The following BCAT1 variants were observed in gnomAD, a reference collection of about 807,000 sequenced individuals.
BCAT1 encodes the protein branched-chain-amino-acid aminotransferase, cytosolic.
BCAT1 carries 48 observed loss-of-function variants against 52.4 expected under a neutral mutation model. The observed-to-expected ratio is 0.92, with a 90% CI of 0.73 to 1.16. The LOEUF (loss-of-function observed/expected upper bound fraction) is 1.16. Ranked by LOEUF, BCAT1 falls within the 50% of genes most tolerant of loss-of-function variation. The probability of loss-of-function intolerance (pLI) is 0.00; values close to 1 mark genes in which losing one functional copy is unlikely to be tolerated. For synonymous variants in BCAT1, 167 were observed against 161.3 expected, an observed-to-expected ratio of 1.04 and a Z score of -0.27; for missense variants, 451 against 457.1, an observed-to-expected ratio of 0.99 and a Z score of 0.12.
chr12:24,943,750 C>A (rs576184716), intron 1 of BCAT1, among the ~76,000 whole-genome samples: 1 of 152,074 alleles, frequency 6.6e-6, no homozygotes, highest in South Asian at 2.1e-4. Context: ...CTTGGGTGGC[C>A]GAGGCGGGCA....
intron 1 of BCAT1, chr12:24,903,256 G>C: frequency 1.7e-6 from 1 of 581,386 alleles, no homozygotes; most frequent in Non-Finnish European, 2.5e-6. Flanking sequence ...GGTCGCTTGC[G>C]GAGGCCCGAG....
intron 5 of BCAT1, among the ~76,000 whole-genome samples, chr12:24,858,229 T>A (rs1941748880): frequency 6.6e-6 from 1 of 152,308 alleles, no homozygotes; most frequent in African/African-American, 2.4e-5. Context: ...TGTCTGTGTA[T>A]TTTTGTGTGT....
chr12:24,902,785 G>A (rs1029232868), intron 1 of BCAT1: 2 of 1,047,326 alleles, frequency 1.9e-6, no homozygotes, highest in South Asian at 3.2e-5. Context: ...ATTTCGGGCA[G>A]GGATGCGGGG....
chr12:24,889,132 C>G (rs79752002), intron 3 of BCAT1, among the ~76,000 whole-genome samples: 1 of 152,128 alleles, frequency 6.6e-6, no homozygotes, highest in Non-Finnish European at 1.5e-5. Flanking sequence ...TGGTCTTTTC[C>G]CTCGAAGATC....
chr12:24,874,773 T>A (rs540471959), intron 5 of BCAT1, among the ~76,000 whole-genome samples: 6 of 152,334 alleles, frequency 3.9e-5, no homozygotes, highest in African/African-American at 1.2e-4. Flanking sequence ...AACACCAATG[T>A]GTCCATTGTA....
chr12:24,934,610 G>T lies in BCAT1; in HGVS notation c.6+14317C>A, dbSNP rs556681931. 2.0e-5 allele frequency among the ~76,000 whole-genome samples: 3 copies of T among 152,294 alleles called. No homozygotes were observed. In the East Asian group the frequency reaches 5.8e-4, roughly 29 times the overall value. Reference sequence around the variant, plus strand: ...CTCTTGTCACCCAGGCTGGAGTGCAGTGGTGCGATCTTGGCTCACTGCAAC... The same window carrying T: ...CTCTTGTCACCCAGGCTGGAGTGCATTGGTGCGATCTTGGCTCACTGCAAC... On this transcript the variant is annotated intron_variant, in intron 1 of 10. Transcript: ENST00000261192.
chr12:24,828,374 G>C (rs1266452736), intron 10 of BCAT1, among the ~76,000 whole-genome samples: 1 of 152,038 alleles, frequency 6.6e-6, no homozygotes, highest in South Asian at 2.1e-4. Context: ...AGGCATTACT[G>C]TAGATTATTG....
rs1939649368 is a variant in BCAT1 at position 24,810,574 on chromosome 12, T to C, written c.*7434A>G. ...CTCTCTTTCTCACGCTTGTGGGAAT[T>C]GAGCGTTGACACTGTAAGAACACTT... On this transcript the variant is annotated 3_prime_UTR_variant, in exon 11 of 11. Transcript: ENST00000261192. 6.6e-6 allele frequency: 1 copy of C among 152,194 alleles called. No individual in the cohort carries two copies. Among genetic ancestry groups the C allele is most frequent in the South Asian group, 2.1e-4 (1 of 4,838 alleles). The allele number at this position is 152,194 out of a possible 1,614,324, so 9.4% of individuals were successfully genotyped here.
intron 1 of BCAT1, among the ~76,000 whole-genome samples, chr12:24,922,255 C>T (rs1365837470): frequency 6.6e-6 from 1 of 152,154 alleles, no homozygotes; most frequent in Admixed American, 6.5e-5. Flanking sequence ...GCCTTGAACT[C>T]CTAGGCTCAA....
intron 1 of BCAT1, chr12:24,904,648 G>T (rs1427656045): frequency 6.6e-6 from 1 of 152,210 alleles, no homozygotes; most frequent in Non-Finnish European, 1.5e-5. Flanking sequence ...CCTATGTGCT[G>T]ATGACTCCCA....
rs1176904732 is a variant in BCAT1, at chr12:24,923,802, G to A, written c.7-21917C>T. ...GACCAAAGTAACACACCTGTCTGCAGAGGGAGAGCTGGTACTAGAACCCAG... is the reference window on the plus strand; with the variant it reads ...GACCAAAGTAACACACCTGTCTGCAAAGGGAGAGCTGGTACTAGAACCCAG... On this transcript the variant is annotated intron_variant, in intron 1 of 10. Transcript: ENST00000261192. Among the ~76,000 whole-genome samples, 4 of 152,208 alleles carry A rather than the reference G, an allele frequency of 2.6e-5. No individual in the cohort carries two copies. The East Asian group carries it at 7.7e-4, about 29-fold the overall frequency.
intron 5 of BCAT1, among the ~76,000 whole-genome samples, chr12:24,853,117 AACTGTTAT>A (rs1941563392): frequency 6.6e-6 from 1 of 152,198 alleles, no homozygotes; most frequent in South Asian, 2.1e-4. Context: ...TTTTATTATG[AACTGTTAT>A]ACAAAAAAAG....
chr12:24,836,908 GAGAAAGAAAGAAAGAA>G lies in BCAT1; in HGVS notation c.818-328_818-313del, dbSNP rs201215375. On this transcript the variant is annotated intron_variant, in intron 7 of 10. Coordinates refer to ENST00000261192, the MANE Select transcript of BCAT1 (RefSeq NM_005504.7). ...AAGAAAGAAAGAAAGAAAAGAAAGAGAGAAAGAAAGAAAGAAAGAAAGAAAGAAAGAAAGAAAGAAA... is the reference window on the plus strand; with the variant it reads ...AAGAAAGAAAGAAAGAAAAGAAAGAGAGAAAGAAAGAAAGAAAGAAAGAAA... Among the ~76,000 whole-genome samples the G allele has an allele frequency of 6.0e-3, 245 of 40,870 alleles. 17 individuals carry two copies. The highest frequency in any genetic ancestry group is 0.019 in the Middle Eastern group (1 of 52). 26.8% of individuals were successfully genotyped at this position (40,870 alleles called of 152,430 possible).
At chr12:24,914,599 T>C (rs1943379509) in intron 1 of BCAT1, among the ~76,000 whole-genome samples, 1 of 152,216 alleles carries the variant, frequency 6.6e-6, no homozygotes, top group Non-Finnish European at 1.5e-5. Context: ...TATAAACTAA[T>C]TTTCCTAGAG....
intron 3 of BCAT1, among the ~76,000 whole-genome samples, chr12:24,887,080 A>AAAAAAAAAAAATATATATATAT (rs1245203518): frequency 4.9e-5 from 2 of 40,748 alleles, no homozygotes; most frequent in Non-Finnish European, 5.2e-5. Flanking sequence ...AAAAAAAAAA[A>AAAAAAAAAAAATATATATATAT]ATATATATAT....
chr12:24,902,195 C>T (rs1943125521), intron 1 of BCAT1: 15 of 1,433,466 alleles, frequency 1.0e-5, no homozygotes, highest in Non-Finnish European at 1.4e-5. Context: ...AACAAAAAAA[C>T]AATTGTCTCC....
Position 24,815,506 on chromosome 12 carries a change from A to G in BCAT1, c.*2502T>C, listed in dbSNP as rs762371170. On this transcript the variant is annotated 3_prime_UTR_variant, in exon 11 of 11. Transcript: ENST00000261192. ...AGTCTTGAAGAATGGATAATTGCCT[A>G]GTTATAATGTGGCACTCTTGCTGTA... 2.0e-5 allele frequency: 3 copies of G among 152,648 alleles called. No homozygotes were observed. The highest frequency in any genetic ancestry group is 4.4e-5 in the Non-Finnish European group (3 of 68,040). 9.5% of individuals were successfully genotyped at this position (152,648 alleles called of 1,614,324 possible). A position where few individuals can be genotyped will look rare whatever the true frequency, so the allele number is the denominator to read the frequency against.
At chr12:24,899,133 A>C (rs1326254858) in intron 2 of BCAT1, among the ~76,000 whole-genome samples, 1 of 152,228 alleles carries the variant, frequency 6.6e-6, no homozygotes, top group Admixed American at 6.5e-5. Flanking sequence ...AGGATCCTAG[A>C]GTCCACAGAA....
At chr12:24,937,099 G>A (rs1243958862) in intron 1 of BCAT1, among the ~76,000 whole-genome samples, 1 of 152,184 alleles carries the variant, frequency 6.6e-6, no homozygotes, top group African/African-American at 2.4e-5. Context: ...TCTAGTGGAA[G>A]AGTCAGATAT....
Sources: allele counts gnomAD v4.1 joint callset (sites outside exome capture counted in the v4.1 genomes callset), GRCh38; gene constraint gnomAD v4.1.1; transcripts MANE v1.5; gene names NCBI Gene and HGNC (gene_info 2026-07-23, HGNC 2026-07-21).